Variants in WDR19 observed in about 807,000 individuals in gnomAD.
WDR19 encodes WD repeat domain 19.
WDR19 carries 121 observed loss-of-function variants against 180.0 expected under a neutral mutation model. The ratio of observed to expected loss-of-function variants is 0.67; its 90% CI spans 0.58 to 0.78. WDR19 has a LOEUF of 0.78. WDR19 is among the 30% of genes least tolerant of loss of function. The probability of loss-of-function intolerance (pLI) is 0.00; values close to 1 mark genes in which losing one functional copy is unlikely to be tolerated. For missense variants in WDR19, 1,450 were observed against 1,640.7 expected, an observed-to-expected ratio of 0.88 and a Z score of 2.01; for synonymous variants, 497 against 540.7, an observed-to-expected ratio of 0.92 and a Z score of 1.12.
chr4:39,275,051 G>A (rs1735766897), intron 33 of WDR19, 93 bp downstream of exon 33: 14 of 1,497,050 alleles, frequency 9.4e-6, no homozygotes, highest in East Asian at 2.4e-5. Context: ...ATAAGAAAAC[G>A]GTGGGGGGCC....
chr4:39,189,757 C>G lies in WDR19; in HGVS notation c.266C>G (p.Thr89Ser). ...CTTTGGGATGCCAACACAAATAAGA[C>G]CAGCCAGTTAGACAATGGCATGAGG... ...IYLWDANTNK[T>S]SQLDNGMRDQ... Residue 89 changes from threonine to serine, a missense_variant, in exon 4 of 37, where the codon ACC (threonine) becomes AGC (serine). Transcript: ENST00000399820. 1 of 1,609,508 alleles carries G rather than the reference C, an allele frequency of 6.2e-7. No homozygotes were observed. Among genetic ancestry groups the G allele is most frequent in the Non-Finnish European group, 8.5e-7 (1 of 1,178,540 alleles).
In WDR19 at chr4:39,182,534, T is replaced by C; in HGVS notation, c.-24T>C. 1 of 1,613,756 alleles carries C rather than the reference T, an allele frequency of 6.2e-7. No homozygotes were observed. Among genetic ancestry groups the C allele is most frequent in the Non-Finnish European group, 8.5e-7 (1 of 1,179,854 alleles). On this transcript the variant is annotated 5_prime_UTR_variant, in exon 1 of 37. Coordinates refer to ENST00000399820, the MANE Select transcript of WDR19 (RefSeq NM_025132.4). ...CGGGTGCGCCTGCGTACTTCATAGT[T>C]CGCGTAGCGGCTCGAGCGTGGAGAT...
intron 19 of WDR19, among the ~76,000 whole-genome samples, chr4:39,234,238 A>G (rs1189819187): frequency 1.3e-5 from 2 of 152,204 alleles, no homozygotes; most frequent in African/African-American, 2.4e-5. Flanking sequence ...TGATGAGTTT[A>G]TATTTAGAAT....
chr4:39,182,676 G>T, intron 1 of WDR19, 113 bp downstream of exon 1: 1 of 1,479,058 alleles, frequency 6.8e-7, no homozygotes, highest in South Asian at 1.2e-5. Context: ...TGGAAATGAG[G>T]AAGAGAGAGA....
At chr4:39,281,236 T>TATATATATATATATATAGAGAG (rs762298152) in intron 36 of WDR19, among the ~76,000 whole-genome samples, 1 of 104,040 alleles carries the variant, frequency 9.6e-6, no homozygotes, top group African/African-American at 5.2e-5. Flanking sequence ...TATATATATA[T>TATATATATATATATATAGAGAG]AGAGAGAGAG....
Position 39,278,116 on chromosome 4 carries a change from A to G in WDR19, c.3841-15A>G, listed in dbSNP as rs368673192. The G allele has an allele frequency of 5.9e-5, 93 of 1,589,416 alleles. No homozygotes were observed. The African/African-American group carries it at 1.1e-3, about 19-fold the overall frequency. On this transcript the variant is annotated splice_polypyrimidine_tract_variant and intron_variant, in intron 34 of 36. Coordinates refer to ENST00000399820, the MANE Select transcript of WDR19 (RefSeq NM_025132.4). The stretch of plus-strand genomic sequence containing the variant: ...AAATAAAGATGAATTTAACTCTTAA[A>G]CATCCTGTTTCCAGGGTCGACACAT...
chr4:39,261,477 G>A (rs991501778), intron 28 of WDR19, among the ~76,000 whole-genome samples: 20 of 152,168 alleles, frequency 1.3e-4, no homozygotes, highest in African/African-American at 3.6e-4. Flanking sequence ...AGAAGAAGAC[G>A]ACTTGCCTTT....
chr4:39,278,073 T>A, intron 34 of WDR19, 58 bp from the exon 35 acceptor site: 4 of 1,401,672 alleles, frequency 2.9e-6, no homozygotes, highest in Non-Finnish European at 3.9e-6. Flanking sequence ...AAAAATTGAC[T>A]AACAGTGGGA....
intron 35 of WDR19, 34 bp downstream of exon 35, chr4:39,278,241 T>G: frequency 6.5e-7 from 1 of 1,545,418 alleles, no homozygotes; most frequent in Non-Finnish European, 8.8e-7. Flanking sequence ...GTCTCACTGA[T>G]TTCTCCCGAC....
At chr4:39,203,325 A>T (rs1404084900) in intron 6 of WDR19, among the ~76,000 whole-genome samples, 2 of 152,132 alleles carry the variant, frequency 1.3e-5, no homozygotes, top group African/African-American at 2.4e-5. Context: ...GCCAAAACAA[A>T]TGGATTTCCT....
At chr4:39,232,309 G>A in intron 19 of WDR19, 37 bp downstream of exon 19, 1 of 1,525,232 alleles carries the variant, frequency 6.6e-7, no homozygotes, top group Non-Finnish European at 9.0e-7. Flanking sequence ...TGTGTAAGAG[G>A]TATCCAGTGG....
In WDR19 at chr4:39,215,895, A is replaced by G. The variant is rs773773910; in HGVS notation, c.1016A>G (p.Gln339Arg). 6.5e-5 allele frequency: 105 copies of G among 1,613,714 alleles called. No individual in the cohort carries two copies. Among genetic ancestry groups the G allele is most frequent in the Non-Finnish European group, 8.6e-5 (101 of 1,179,830 alleles). Reference protein sequence around the residue: ...DDGQLLALSTQRGSLHVFLTK... With the variant: ...DDGQLLALSTRRGSLHVFLTK... ...GGCCAGTTGCTAGCACTCTCTACCC[A>G]AAGGGGCTCACTTCATGTTTTCCTG... The change falls in exon 11 of 37, where the codon CAA becomes CGA. Residue 339 changes from glutamine (Q) to arginine (R), a missense_variant. Gln to Arg is a conservative substitution (Grantham distance 43). Transcript: ENST00000399820.
At chr4:39,276,753 T>A (rs1735938716) in intron 33 of WDR19, among the ~76,000 whole-genome samples, 1 of 152,188 alleles carries the variant, frequency 6.6e-6, no homozygotes, top group African/African-American at 2.4e-5. Flanking sequence ...GACCTACCCA[T>A]GCTTTCTGCC....
At chr4:39,228,100 A>C (rs1730463861) in intron 15 of WDR19, 110 bp from the exon 16 acceptor site, 3 of 1,191,394 alleles carry the variant, frequency 2.5e-6, no homozygotes, top group Non-Finnish European at 2.4e-6. Context: ...GTTAGGTTGA[A>C]TATGACTCAG....
At chr4:39,242,231 A>G (rs1391958864) in intron 21 of WDR19, among the ~76,000 whole-genome samples, 1 of 151,884 alleles carries the variant, frequency 6.6e-6, no homozygotes, top group Non-Finnish European at 1.5e-5. Flanking sequence ...CACCCAGATA[A>G]TTTTTTATTT....
chr4:39,211,789 T>C (rs1378061620), intron 9 of WDR19, among the ~76,000 whole-genome samples: 1 of 152,158 alleles, frequency 6.6e-6, no homozygotes, highest in African/African-American at 2.4e-5. Flanking sequence ...TAGAGAGATA[T>C]ACTGTGTTCA....
At position 39,220,845 on chromosome 4, in the gene WDR19, A is replaced by G. The variant is rs1463831475; in HGVS notation, c.1479+2740A>G. 7.2e-5 allele frequency among the ~76,000 whole-genome samples: 7 copies of G among 96,964 alleles called. No homozygotes were observed. The South Asian group carries it at 2.0e-3, about 28-fold the overall frequency. 63.6% of individuals were successfully genotyped at this position (96,964 alleles called of 152,430 possible). ...ATATTTTCTTTTTATTTATTTATTT[A>G]TTTATTTTAGAAACCTGCTAATTAA... On this transcript the variant is annotated intron_variant, in intron 14 of 36. Transcript: ENST00000399820.
At chr4:39,261,424 T>TG (rs1336704331) in intron 28 of WDR19, among the ~76,000 whole-genome samples, 1 of 152,210 alleles carries the variant, frequency 6.6e-6, no homozygotes, top group African/African-American at 2.4e-5. Flanking sequence ...TTACTTAGAT[T>TG]GGGGTGTCCA....
At chr4:39,219,983 C>A (rs1237110623) in intron 14 of WDR19, among the ~76,000 whole-genome samples, 1 of 152,036 alleles carries the variant, frequency 6.6e-6, no homozygotes, top group Non-Finnish European at 1.5e-5. Flanking sequence ...TTTTGGGAGG[C>A]CGAGGCGGGT....
Sources: allele counts gnomAD v4.1 joint callset (sites outside exome capture counted in the v4.1 genomes callset), GRCh38; gene constraint gnomAD v4.1.1; transcripts MANE v1.5; gene names NCBI Gene and HGNC (gene_info 2026-07-23, HGNC 2026-07-21).